The following TMEM244 variants were observed in gnomAD, a reference collection of about 807,000 sequenced individuals.
TMEM244 encodes putative transmembrane protein 244.
TMEM244 carries 13 observed loss-of-function variants against 15.8 expected under a neutral mutation model. That is an observed-to-expected ratio of 0.82 (90% CI 0.53 to 1.30). TMEM244 has a LOEUF of 1.30. TMEM244 is among the 50% of genes most tolerant of loss of function. The pLI, the probability that TMEM244 is intolerant of heterozygous loss-of-function variation, is 0.00. For synonymous variants in TMEM244, 45 were observed against 48.7 expected, an observed-to-expected ratio of 0.92 and a Z score of 0.32; for missense variants, 161 against 144.9, an observed-to-expected ratio of 1.11 and a Z score of -0.57.
chr6:129,841,271 T>C (rs1776486174), intron 3 of TMEM244, among the ~76,000 whole-genome samples: 1 of 152,142 alleles, frequency 6.6e-6, no homozygotes, highest in Non-Finnish European at 1.5e-5. Flanking sequence ...ATGTCCTTTG[T>C]AGGGACATGG....
intron 3 of TMEM244, among the ~76,000 whole-genome samples, chr6:129,835,690 C>T (rs1776394910): frequency 6.6e-6 from 1 of 152,158 alleles, no homozygotes; most frequent in Admixed American, 6.5e-5. Flanking sequence ...AGAAACAGTG[C>T]ACTCCTGACA....
At chr6:129,858,805 T>C (rs1776755407) in intron 1 of TMEM244, among the ~76,000 whole-genome samples, 1 of 151,886 alleles carries the variant, frequency 6.6e-6, no homozygotes, top group African/African-American at 2.4e-5. Flanking sequence ...TAGTCTTTTT[T>C]TTTTTTGAAA....
chr6:129,839,460 A>G (rs939228987), intron 3 of TMEM244, among the ~76,000 whole-genome samples: 1 of 152,228 alleles, frequency 6.6e-6, no homozygotes. Context: ...TGACAAACCC[A>G]CAGCCAATGT....
chr6:129,841,234 T>C (rs748152231), intron 3 of TMEM244, among the ~76,000 whole-genome samples: 1 of 152,172 alleles, frequency 6.6e-6, no homozygotes, highest in African/African-American at 2.4e-5. Context: ...CATGGAACTC[T>C]ATGCATCCAT....
intron 3 of TMEM244, among the ~76,000 whole-genome samples, chr6:129,839,788 GACAA>G (rs1362181117): frequency 3.4e-4 from 52 of 152,222 alleles, no homozygotes; most frequent in Admixed American, 2.6e-3. Context: ...ACAAATAATA[GACAA>G]ACAGAGAGCC....
intron 4 of TMEM244, among the ~76,000 whole-genome samples, chr6:129,832,765 G>A (rs989388525): frequency 1.3e-5 from 2 of 152,164 alleles, no homozygotes; most frequent in Admixed American, 6.5e-5. Context: ...CTAGTAAAAG[G>A]TAGGACTGGA....
chr6:129,831,802 C>T (rs545633988), intron 4 of TMEM244, among the ~76,000 whole-genome samples: 11 of 152,310 alleles, frequency 7.2e-5, no homozygotes, highest in African/African-American at 2.6e-4. Flanking sequence ...AGGTCCAGAA[C>T]CTATAGCTCA....
chr6:129,859,472 T>C (rs1776769728), intron 1 of TMEM244, among the ~76,000 whole-genome samples: 1 of 152,222 alleles, frequency 6.6e-6, no homozygotes, highest in African/African-American at 2.4e-5. Flanking sequence ...AATTCTCCAG[T>C]TCAGGTGAAC....
chr6:129,841,443 A>T (rs768007374), intron 3 of TMEM244, among the ~76,000 whole-genome samples: 4 of 152,006 alleles, frequency 2.6e-5, no homozygotes, highest in Non-Finnish European at 5.9e-5. Flanking sequence ...CTGGGGGTGG[A>T]TAGCATTAGG....
intron 1 of TMEM244, among the ~76,000 whole-genome samples, chr6:129,846,589 C>T (rs1776563793): frequency 6.6e-6 from 1 of 152,142 alleles, no homozygotes; most frequent in African/African-American, 2.4e-5. Context: ...CTGGAACAAA[C>T]TTCCTAAATG....
At chr6:129,855,603 A>G (rs1352496559) in intron 1 of TMEM244, among the ~76,000 whole-genome samples, 3 of 152,190 alleles carry the variant, frequency 2.0e-5, no homozygotes, top group Non-Finnish European at 4.4e-5. Context: ...TCTAGAATCA[A>G]TCATATTTTC....
rs752771885 is a variant in TMEM244, at chr6:129,843,552, T to C, written c.171A>G (p.Ser57=). Residue 57 remains serine, a synonymous_variant, in exon 3 of 5, where the codon TCA becomes TCG. Coordinates refer to ENST00000368143, the MANE Select transcript of TMEM244 (RefSeq NM_001010876.2). ...LAPFDFKTNP[S]WLNINYKVLL... is the part of the protein sequence containing the mutation. ...TACCTTTATAGTTTATGTTGAGCCATGAGGGATTTGTTTTGAAATCAAATG... is the reference window on the plus strand; with the variant it reads ...TACCTTTATAGTTTATGTTGAGCCACGAGGGATTTGTTTTGAAATCAAATG... 2 of 1,612,094 alleles carry C rather than the reference T, an allele frequency of 1.2e-6. No individual in the cohort carries two copies. The highest frequency in any genetic ancestry group is 2.2e-5 in the South Asian group (2 of 90,952).
At chr6:129,851,013 T>C (rs1477025093) in intron 1 of TMEM244, among the ~76,000 whole-genome samples, 2 of 152,174 alleles carry the variant, frequency 1.3e-5, no homozygotes, top group Admixed American at 6.5e-5. Context: ...GTACTCATAT[T>C]TTCTCATTGT....
chr6:129,838,744 G>T (rs1211560211), intron 3 of TMEM244, among the ~76,000 whole-genome samples: 1 of 152,044 alleles, frequency 6.6e-6, no homozygotes. Context: ...TGATAAGGGG[G>T]ATATCACCAC....
chr6:129,838,384 C>T (rs930598766), intron 3 of TMEM244, among the ~76,000 whole-genome samples: 4 of 152,012 alleles, frequency 2.6e-5, no homozygotes, highest in Admixed American at 6.5e-5. Context: ...TCTTTGAAAC[C>T]AATGAGAACA....
At chr6:129,856,918 G>A (rs1360860529) in intron 1 of TMEM244, among the ~76,000 whole-genome samples, 1 of 151,776 alleles carries the variant, frequency 6.6e-6, no homozygotes. Flanking sequence ...TATCTTTCAG[G>A]AGTATGTTAA....
At chr6:129,834,874 T>C (rs1485718471) in intron 3 of TMEM244, among the ~76,000 whole-genome samples, 3 of 152,176 alleles carry the variant, frequency 2.0e-5, no homozygotes, top group Non-Finnish European at 4.4e-5. Flanking sequence ...ACGACATTAT[T>C]GTAGGGAAAC....
chr6:129,843,896 A>G (rs1776526629), intron 2 of TMEM244, among the ~76,000 whole-genome samples: 1 of 152,224 alleles, frequency 6.6e-6, no homozygotes, highest in South Asian at 2.1e-4. Context: ...AAAGGTAACA[A>G]GGGACAAGGC....
At chr6:129,859,057 G>C (rs1468628013) in intron 1 of TMEM244, among the ~76,000 whole-genome samples, 1 of 152,068 alleles carries the variant, frequency 6.6e-6, no homozygotes, top group Non-Finnish European at 1.5e-5. Context: ...GCCTCCTAAA[G>C]TGCTGGGATT....
Sources: gnomAD v4.1 joint callset for allele counts (sites outside exome capture counted in the v4.1 genomes callset) on GRCh38, gnomAD v4.1.1 for gene constraint, MANE v1.5 for transcripts, NCBI Gene and HGNC (gene_info 2026-07-23, HGNC 2026-07-21) for gene names.